The following LPIN2 variants were observed in gnomAD, a reference collection of about 807,000 sequenced individuals.
LPIN2 encodes phosphatidate phosphatase LPIN2.
LPIN2 carries 55 observed loss-of-function variants against 111.4 expected under a neutral mutation model. The ratio of observed to expected loss-of-function variants is 0.49; its 90% confidence interval spans 0.40 to 0.62. The LOEUF (loss-of-function observed/expected upper bound fraction) is 0.62. Ranked by LOEUF, LPIN2 falls within the 20% of genes least tolerant of loss-of-function variation. The probability of loss-of-function intolerance (pLI) is 0.00; values close to 1 mark genes in which losing one functional copy is unlikely to be tolerated. For synonymous variants in LPIN2, 425 were observed against 414.0 expected, an observed-to-expected ratio of 1.03 and a Z score of -0.32; for missense variants, 992 against 1,112.1, an observed-to-expected ratio of 0.89 and a Z score of 1.54.
chr18:2,977,171 G>A (rs1200970647), intron 1 of LPIN2: 1 of 148,062 alleles, frequency 6.8e-6, no homozygotes, highest in African/African-American at 2.5e-5. Flanking sequence ...ACTCCAGACT[G>A]GGTGGCAGTG....
rs868717712 is a variant in LPIN2, at chr18:2,920,639, G to A, written c.2546+139C>T. 90 of 798,062 alleles carry A rather than the reference G, an allele frequency of 1.1e-4. No homozygotes were observed. The South Asian group carries it at 1.2e-3, about 11-fold the overall frequency. 49.4% of individuals were successfully genotyped at this position (798,062 alleles called of 1,614,324 possible). On this transcript the variant is annotated intron_variant, in intron 19 of 19. Coordinates refer to ENST00000677752, the MANE Select transcript of LPIN2 (RefSeq NM_001375808.2). ...CCTCAAACAGATATTGTGAAAGAGA[G>A]ATACCCACAGAGGAGATGTAGCTGA... is the stretch of plus-strand genomic sequence containing the variant.
intron 4 of LPIN2, among the ~76,000 whole-genome samples, chr18:2,947,743 T>C (rs902380760): frequency 1.3e-5 from 2 of 152,254 alleles, no homozygotes; most frequent in African/African-American, 2.4e-5. Flanking sequence ...GAGGAGAATA[T>C]GCTATAGGAA....
intron 1 of LPIN2, among the ~76,000 whole-genome samples, chr18:2,972,730 A>G (rs2143306213): frequency 6.6e-6 from 1 of 152,340 alleles, no homozygotes; most frequent in South Asian, 2.1e-4. Context: ...GACAACATTC[A>G]CATGGCCAAA....
chr18:2,974,460 C>T (rs935916597), intron 1 of LPIN2, among the ~76,000 whole-genome samples: 9 of 152,150 alleles, frequency 5.9e-5, no homozygotes, highest in South Asian at 2.1e-4. Flanking sequence ...TGTAAAATAA[C>T]GTAACTGTTT....
At chr18:2,932,121 G>T (rs1450484227) in intron 8 of LPIN2, among the ~76,000 whole-genome samples, 2 of 152,186 alleles carry the variant, frequency 1.3e-5, no homozygotes, top group Non-Finnish European at 2.9e-5. Context: ...TTCAGAAGGT[G>T]ATCAAGGGAA....
At chr18:3,007,392 CG>C (rs1235226830) in intron 1 of LPIN2, among the ~76,000 whole-genome samples, 2 of 152,152 alleles carry the variant, frequency 1.3e-5, no homozygotes, top group East Asian at 3.9e-4. Context: ...AGGATGGTCT[CG>C]ATCTCCTGAC....
Position 2,925,221 on chromosome 18 carries a change from C to T in LPIN2, c.1938+3G>A, listed in dbSNP as rs1236364824. On this transcript the variant is annotated splice_donor_region_variant and intron_variant, in intron 14 of 19. Coordinates refer to ENST00000677752, the MANE Select transcript of LPIN2 (RefSeq NM_001375808.2). This position sits in a 1 kb window ranked among gnomAD's most constrained non-coding sequence, Gnocchi z 4.1. The stretch of plus-strand genomic sequence containing the variant: ...TGGACAACACAGATCATGCAAGACT[C>T]ACGATCTGGTCTGAGGAGAGGCGGA... 3.1e-6 allele frequency: 5 copies of T among 1,614,080 alleles called. No individual in the cohort carries two copies. Among genetic ancestry groups the T allele is most frequent in the Non-Finnish European group, 4.2e-6 (5 of 1,180,056 alleles).
intron 1 of LPIN2, among the ~76,000 whole-genome samples, chr18:3,001,789 TATAAAA>T (rs1182814386): frequency 6.6e-6 from 1 of 152,134 alleles, no homozygotes; most frequent in Non-Finnish European, 1.5e-5. Flanking sequence ...TTAAATTACA[TATAAAA>T]ATAAATACTT....
At chr18:2,970,229 A>G (rs2077884315) in intron 1 of LPIN2, among the ~76,000 whole-genome samples, 1 of 152,216 alleles carries the variant, frequency 6.6e-6, no homozygotes, top group Non-Finnish European at 1.5e-5. Flanking sequence ...GAAGGTAAAA[A>G]CAGGGCTCCC....
At chr18:2,982,846 CTG>C in intron 1 of LPIN2, 2 of 584,506 alleles carry the variant, frequency 3.4e-6, no homozygotes, top group Non-Finnish European at 5.9e-6. Flanking sequence ...TCTTGACAAA[CTG>C]AGTACAAACT....
chr18:3,009,077 C>T (rs139130192), intron 1 of LPIN2, among the ~76,000 whole-genome samples: 1,858 of 151,966 alleles, frequency 0.012, 16 homozygotes, highest in South Asian at 0.027. Context: ...GACCAGCCTG[C>T]GCAACACAGG....
intron 4 of LPIN2, among the ~76,000 whole-genome samples, chr18:2,943,681 A>G (rs1332026575): frequency 6.6e-6 from 1 of 152,212 alleles, no homozygotes; most frequent in Non-Finnish European, 1.5e-5. Context: ...ATGGTTCCTA[A>G]ATCATGGAAT....
chr18:2,963,568 T>C (rs1238548004), intron 1 of LPIN2, among the ~76,000 whole-genome samples: 1 of 151,712 alleles, frequency 6.6e-6, no homozygotes, highest in East Asian at 1.9e-4. Flanking sequence ...AAATAAATAA[T>C]GGAGAGTGAC....
intron 3 of LPIN2, among the ~76,000 whole-genome samples, chr18:2,952,419 A>G (rs1384470837): frequency 6.6e-6 from 1 of 152,214 alleles, no homozygotes; most frequent in African/African-American, 2.4e-5. Flanking sequence ...GCGAGACTCC[A>G]TCTCAAAACA....
chr18:2,926,891 C>T (rs2077140628), intron 12 of LPIN2, 86 bp from the exon 13 acceptor site: 4 of 1,001,504 alleles, frequency 4.0e-6, no homozygotes, highest in East Asian at 2.5e-5. Context: ...TAGGAAAGAA[C>T]ACAACTGCCT....
intron 1 of LPIN2, among the ~76,000 whole-genome samples, chr18:3,008,661 C>T (rs1241690271): frequency 6.6e-6 from 1 of 152,106 alleles, no homozygotes. Flanking sequence ...TAGTCATAAC[C>T]ACCAAAGCCA....
chr18:2,939,471 C>A lies in LPIN2; in HGVS notation c.822+9G>T, dbSNP rs560904481. On this transcript the variant is annotated intron_variant, in intron 6 of 19. Transcript: ENST00000677752. The stretch of plus-strand genomic sequence containing the variant: ...AACACACTTTCCACAGGCAAGTAAA[C>A]CCTAGTACCTTGGTGGACTCTGGGA... 2 of 1,613,510 alleles carry A rather than the reference C, an allele frequency of 1.2e-6. No homozygotes were observed. Among genetic ancestry groups the A allele is most frequent in the South Asian group, 2.2e-5 (2 of 91,056 alleles).
At chr18:3,009,076 G>A (rs566394052) in intron 1 of LPIN2, among the ~76,000 whole-genome samples, 4 of 152,018 alleles carry the variant, frequency 2.6e-5, no homozygotes, top group Admixed American at 6.5e-5. Context: ...AGACCAGCCT[G>A]CGCAACACAG....
In LPIN2 at chr18:2,927,826, C is replaced by T. The variant is rs764446031; in HGVS notation, c.1621-15G>A. The T allele has an allele frequency of 1.9e-5, 30 of 1,613,180 alleles. No individual in the cohort carries two copies. The highest frequency in any genetic ancestry group is 1.1e-4 in the South Asian group (10 of 91,050). ...TCAACTGTGGCCTGAAAACAACCAA[C>T]CTGGGTTAGTCTGGGCAATCTACTG... On this transcript the variant is annotated splice_polypyrimidine_tract_variant and intron_variant, in intron 11 of 19. Coordinates refer to ENST00000677752, the MANE Select transcript of LPIN2 (RefSeq NM_001375808.2).
Sources: gnomAD v4.1 joint callset for allele counts (sites outside exome capture counted in the v4.1 genomes callset) on GRCh38, gnomAD v4.1.1 for gene constraint, Gnocchi (gnomAD v3.1) non-coding constraint, MANE v1.5 for transcripts, NCBI Gene and HGNC (gene_info 2026-07-23, HGNC 2026-07-21) for gene names.